Variants in AGO2 observed in about 807,000 individuals in gnomAD.
AGO2 encodes the protein argonaute RISC catalytic component 2.
AGO2 carries 5 observed loss-of-function variants against 102.3 expected under a neutral mutation model. The observed-to-expected ratio is 0.05, with a 90% CI of 0.03 to 0.10. The LOEUF is 0.10. AGO2 is among the 10% of genes least tolerant of loss of function. AGO2 has a pLI of 1.00. For synonymous variants in AGO2, 449 were observed against 473.1 expected, an observed-to-expected ratio of 0.95 and a Z score of 0.66; for missense variants, 541 against 1,183.7, an observed-to-expected ratio of 0.46 and a Z score of 7.97.
intron 1 of AGO2, among the ~76,000 whole-genome samples, chr8:140,609,348 C>T (rs770877763): frequency 9.2e-5 from 14 of 152,198 alleles, no homozygotes; most frequent in Non-Finnish European, 1.8e-4. Context: ...AGTGGCCTGC[C>T]GGGTGGCCTG....
intron 17 of AGO2, among the ~76,000 whole-genome samples, chr8:140,533,708 G>T (rs1294331896): frequency 1.3e-5 from 2 of 151,878 alleles, no homozygotes; most frequent in African/African-American, 4.8e-5. Context: ...CCAGGAGGCT[G>T]AGGCATGAGA....
At chr8:140,588,421 G>T (rs76630652) in intron 1 of AGO2, among the ~76,000 whole-genome samples, 1 of 7,476 alleles carries the variant, frequency 1.3e-4, no homozygotes, top group Non-Finnish European at 4.3e-4. Context: ...TGTAATAGCA[G>T]TGTGTAAATA....
rs2072453255 is a variant in AGO2 at position 140,523,692 on chromosome 8, AT to A, written c.*8351del. Reference sequence around the variant, plus strand: ...TATCAAACTCAGGCCTGGAATTTCAATGCAACGCCACCCTCCATACTGTAGG... The same window carrying A: ...TATCAAACTCAGGCCTGGAATTTCAAGCAACGCCACCCTCCATACTGTAGG... On this transcript the variant is annotated 3_prime_UTR_variant, in exon 19 of 19. Coordinates refer to ENST00000220592, the MANE Select transcript of AGO2 (RefSeq NM_012154.5). 3 of 152,216 alleles carry A rather than the reference AT, an allele frequency of 2.0e-5. No homozygotes were observed. Among genetic ancestry groups the A allele is most frequent in the African/African-American group, 7.2e-5 (3 of 41,442 alleles). 9.4% of individuals were successfully genotyped at this position (152,216 alleles called of 1,614,324 possible). A position where few individuals can be genotyped will look rare whatever the true frequency, so the allele number is the denominator to read the frequency against.
At chr8:140,578,486 G>A (rs577822749) in intron 2 of AGO2, among the ~76,000 whole-genome samples, 5 of 152,294 alleles carry the variant, frequency 3.3e-5, no homozygotes, top group East Asian at 1.9e-4. Flanking sequence ...GACCCTGCTC[G>A]CGGAGTCCCT....
chr8:140,544,793 T>A (rs2072869003), intron 13 of AGO2, among the ~76,000 whole-genome samples: 1 of 152,140 alleles, frequency 6.6e-6, no homozygotes, highest in Non-Finnish European at 1.5e-5. Context: ...CCCCAACATG[T>A]CTCCAGACAT....
At chr8:140,628,561 T>C (rs770130401) in intron 1 of AGO2, among the ~76,000 whole-genome samples, 2 of 152,084 alleles carry the variant, frequency 1.3e-5, no homozygotes, top group African/African-American at 2.4e-5. Flanking sequence ...TCCCAGCACC[T>C]TGGGAGGCCA....
rs181943995 is a variant in AGO2 at position 140,530,619 on chromosome 8, A to C, written c.*1425T>G. On this transcript the variant is annotated 3_prime_UTR_variant, in exon 19 of 19. Coordinates refer to ENST00000220592, the MANE Select transcript of AGO2 (RefSeq NM_012154.5). ...CAACAGTTTCTAGATTGGCAAACCCAAGTCTGGGGCCCCAAATGCAAACCC... is the reference window on the plus strand; with the variant it reads ...CAACAGTTTCTAGATTGGCAAACCCCAGTCTGGGGCCCCAAATGCAAACCC... 1.4e-3 allele frequency: 210 copies of C among 152,404 alleles called. 1 individual carries two copies. Among genetic ancestry groups the C allele is most frequent in the African/African-American group, 4.6e-3 (193 of 41,588 alleles). The allele number at this position is 152,404 out of a possible 1,614,324, so 9.4% of individuals were successfully genotyped here.
intron 1 of AGO2, among the ~76,000 whole-genome samples, chr8:140,605,057 ACTTT>A (rs1290133712): frequency 6.6e-6 from 1 of 152,028 alleles, no homozygotes; most frequent in Admixed American, 6.5e-5. Context: ...GATACGTTAG[ACTTT>A]CTTTCCTTTC....
rs909862729 is a variant in AGO2, at chr8:140,522,072, T to A, written c.*9972A>T. On this transcript the variant is annotated 3_prime_UTR_variant, in exon 19 of 19. Transcript: ENST00000220592. Reference sequence around the variant, plus strand: ...ACTGTAGCAGTTGGCTGGGGAAAAGTCTATCAAATTCCATGACCAATTGGA... The same window carrying A: ...ACTGTAGCAGTTGGCTGGGGAAAAGACTATCAAATTCCATGACCAATTGGA... The A allele has an allele frequency of 3.9e-5, 6 of 152,076 alleles. No individual in the cohort carries two copies. The allele number at this position is 152,076 out of a possible 1,614,324, so 9.4% of individuals were successfully genotyped here.
intron 1 of AGO2, among the ~76,000 whole-genome samples, chr8:140,599,611 CA>C (rs1024107696): frequency 2.0e-5 from 3 of 152,180 alleles, no homozygotes; most frequent in African/African-American, 7.2e-5. Flanking sequence ...TTCACACGCT[CA>C]CCCGGGGTGC....
intron 3 of AGO2, among the ~76,000 whole-genome samples, chr8:140,571,975 G>A (rs909896461): frequency 6.6e-6 from 1 of 152,056 alleles, no homozygotes; most frequent in African/African-American, 2.4e-5. Flanking sequence ...CTTGTGATCC[G>A]CCCACCTCGG....
chr8:140,629,891 G>A (rs1324341190), intron 1 of AGO2, among the ~76,000 whole-genome samples: 3 of 144,824 alleles, frequency 2.1e-5, no homozygotes, highest in Non-Finnish European at 3.1e-5. Context: ...GGAAGAGGAG[G>A]GGAGGGGAGG....
chr8:140,566,157 G>A (rs1355188239), intron 3 of AGO2, among the ~76,000 whole-genome samples: 1 of 152,208 alleles, frequency 6.6e-6, no homozygotes, highest in Non-Finnish European at 1.5e-5. Context: ...CACATGTTGT[G>A]GTAGGAATCC....
At position 140,560,477 on chromosome 8, in the gene AGO2, C is replaced by T. The variant is rs144947708; in HGVS notation, c.552G>A (p.Ala184=). 9.8e-4 allele frequency: 1,580 copies of T among 1,614,190 alleles called. 25 individuals are homozygous for T. The South Asian group carries it at 0.013, about 13-fold the overall frequency. ...YTPVGRSFFT[A]SEGCSNPLGG... is the part of the protein sequence containing the mutation. ...CAAGAGGGTTAGAGCAGCCTTCGGA[C>T]GCGGTGAAGAAGGAGCGGCCCACGG... Residue 184 remains alanine, a synonymous_variant, in exon 5 of 19, where the codon GCG becomes GCA. Transcript: ENST00000220592.
rs2073127754 is a variant in AGO2, at chr8:140,557,879, C to T, written c.878+606G>A. Among the ~76,000 whole-genome samples the T allele has an allele frequency of 6.6e-6, 1 of 152,236 alleles. No homozygotes were observed. The highest frequency in any genetic ancestry group is 1.5e-5 in the Non-Finnish European group (1 of 68,026). Reference sequence around the variant, plus strand: ...CTGCCAGGCCACAGGCCCTCTCGTCCTTCTGCTCCCTCAGCCACGGGCATC... The same window carrying T: ...CTGCCAGGCCACAGGCCCTCTCGTCTTTCTGCTCCCTCAGCCACGGGCATC... On this transcript the variant is annotated intron_variant, in intron 7 of 18. Coordinates refer to ENST00000220592, the MANE Select transcript of AGO2 (RefSeq NM_012154.5). This position sits in a 1 kb window ranked among gnomAD's most constrained non-coding sequence, Gnocchi z 5.9.
At chr8:140,542,051 C>T (rs2072808602) in intron 14 of AGO2, among the ~76,000 whole-genome samples, 1 of 152,140 alleles carries the variant, frequency 6.6e-6, no homozygotes. Flanking sequence ...TCAACAGCAT[C>T]CCCGAAGGCA....
chr8:140,585,387 G>T, intron 1 of AGO2, 76 bp from the exon 2 acceptor site: 1 of 1,494,354 alleles, frequency 6.7e-7, no homozygotes, highest in Non-Finnish European at 9.1e-7. Flanking sequence ...GCGGCCCCAA[G>T]CCACTATATG....
chr8:140,562,425 C>A (rs372098343), intron 4 of AGO2, 28 bp downstream of exon 4: 3 of 1,592,838 alleles, frequency 1.9e-6, no homozygotes, highest in Admixed American at 3.4e-5. Flanking sequence ...GGGAGTCCCC[C>A]GCCCTTGGTC....
At chr8:140,614,190 G>A (rs1394396443) in intron 1 of AGO2, among the ~76,000 whole-genome samples, 2 of 152,070 alleles carry the variant, frequency 1.3e-5, no homozygotes, top group Admixed American at 6.6e-5. Context: ...TGGGCGTGGC[G>A]TGTGCTTGTA....
Sources: allele counts gnomAD v4.1 joint callset (sites outside exome capture counted in the v4.1 genomes callset), GRCh38; gene constraint gnomAD v4.1.1; non-coding constraint Gnocchi (gnomAD v3.1); transcripts MANE v1.5; gene names NCBI Gene and HGNC (gene_info 2026-07-23, HGNC 2026-07-21).